NAV3: variants seen among roughly 807,000 people sequenced by gnomAD.
The protein encoded by NAV3 is pore membrane and/or filament interacting like protein 1.
Under a neutral mutation model 244.7 loss-of-function variants are expected in NAV3, and 87 were observed. The observed-to-expected ratio is 0.36, with a 90% confidence interval of 0.30 to 0.42. The LOEUF (loss-of-function observed/expected upper bound fraction) is 0.42, where lower values mean the gene tolerates loss of function less well. Ranked by LOEUF, NAV3 falls within the 20% of genes least tolerant of loss-of-function variation. NAV3 has a pLI of 1.00. For missense variants in NAV3, 2,663 were observed against 2,893.3 expected (o/e 0.92, Z 1.83); for synonymous variants, 1,126 against 1,042.2 (o/e 1.08, Z -1.55).
intron 27 of NAV3, 40 bp from the exon 28 acceptor site, chr12:78,177,580 G>A: frequency 1.3e-6 from 2 of 1,536,602 alleles, no homozygotes. Context: ...CTTTTCATGG[G>A]CATTTGTCCA....
rs965993315 is a variant in NAV3 at position 78,139,834 on chromosome 12, A to G, written c.4631-448A>G. Among the ~76,000 whole-genome samples the G allele has an allele frequency of 3.3e-5, 5 of 152,214 alleles. No individual in the cohort carries two copies. In the South Asian group the frequency reaches 6.2e-4, roughly 19 times the overall value. On this transcript the variant is annotated intron_variant, in intron 19 of 39. Coordinates refer to ENST00000397909, the MANE Select transcript of NAV3 (RefSeq NM_001024383.2). ...ATAATGTTGTAATAACACATTAGAT[A>G]AAAGTGCTTATTTTCCTGAAATTAT...
At chr12:77,744,354 T>C (rs1868428377) in intron 2 of NAV3, among the ~76,000 whole-genome samples, 1 of 152,034 alleles carries the variant, frequency 6.6e-6, no homozygotes, top group Non-Finnish European at 1.5e-5. Context: ...CTCTAACAAT[T>C]GAAAAGCTTT....
chr12:77,779,483 A>G (rs1265218593), intron 2 of NAV3, among the ~76,000 whole-genome samples: 1 of 152,214 alleles, frequency 6.6e-6, no homozygotes, highest in Non-Finnish European at 1.5e-5. Context: ...ATGAAGTTCA[A>G]TGTGAATAAA....
chr12:78,210,415 A>T lies in NAV3; in HGVS notation c.7056A>T (p.Lys2352Asn), dbSNP rs928398563. The T allele has an allele frequency of 6.2e-7, 1 of 1,613,412 alleles. No individual in the cohort carries two copies. The highest frequency in any genetic ancestry group is 1.7e-5 in the Admixed American group (1 of 59,958). The change falls in exon 40 of 40, where the codon AAA (lysine) becomes AAT (asparagine). Residue 2352 changes from lysine to asparagine, a missense_variant. Lys to Asn is a moderately conservative substitution (Grantham distance 94). Transcript: ENST00000397909. ...TTCTTCAGATGAATATGCTAATGAA[A>T]CTCCAAGAAGCAGCCAATTACTCGA... is the stretch of plus-strand genomic sequence containing the variant. Reference protein sequence around the residue: ...EGDPLMNMLMKLQEAANYSST... With the variant: ...EGDPLMNMLMNLQEAANYSST...
intron 2 of NAV3, among the ~76,000 whole-genome samples, chr12:77,693,830 GTT>G (rs1875153744): frequency 6.6e-6 from 1 of 151,882 alleles, no homozygotes. Context: ...ACCAAACTCA[GTT>G]TATTTTCTTT....
At chr12:77,687,171 C>G (rs907892732) in intron 2 of NAV3, among the ~76,000 whole-genome samples, 3 of 152,238 alleles carry the variant, frequency 2.0e-5, no homozygotes, top group Admixed American at 2.0e-4. Context: ...TTTATACTAT[C>G]AGCCCGGAAA....
At chr12:78,085,057 T>C (rs891811170) in intron 12 of NAV3, among the ~76,000 whole-genome samples, 2 of 152,152 alleles carry the variant, frequency 1.3e-5, no homozygotes, top group African/African-American at 4.8e-5. Flanking sequence ...CATAATTAGA[T>C]TGTGTTCCTA....
chr12:78,164,350 T>A (rs1439297710), intron 23 of NAV3, among the ~76,000 whole-genome samples: 1 of 152,058 alleles, frequency 6.6e-6, no homozygotes, highest in Non-Finnish European at 1.5e-5. Flanking sequence ...AGTAGTTTGC[T>A]CATTTGTTAC....
chr12:77,592,231 G>T (rs897688574), intron 2 of NAV3, among the ~76,000 whole-genome samples: 6 of 152,180 alleles, frequency 3.9e-5, no homozygotes, highest in Non-Finnish European at 7.3e-5. Flanking sequence ...AAAGTGCACT[G>T]TCTGCACTCT....
At chr12:78,109,035 A>G (rs1222902558) in intron 12 of NAV3, among the ~76,000 whole-genome samples, 1 of 152,072 alleles carries the variant, frequency 6.6e-6, no homozygotes, top group African/African-American at 2.4e-5. Flanking sequence ...ATTCAACAAG[A>G]TAAATAAAAT....
rs548399895 is a variant in NAV3 at position 77,876,679 on chromosome 12, A to G, written c.243+44975A>G. Among the ~76,000 whole-genome samples, 42 of 152,178 alleles carry G rather than the reference A, an allele frequency of 2.8e-4. No individual in the cohort carries two copies. The South Asian group carries it at 7.0e-3, about 26-fold the overall frequency. ...AACAAATGCTTCATTCATATTTCCTATGATAAAGTATAAGAAATATTGATG... is the reference window on the plus strand; with the variant it reads ...AACAAATGCTTCATTCATATTTCCTGTGATAAAGTATAAGAAATATTGATG... On this transcript the variant is annotated intron_variant, in intron 1 of 39. Transcript: ENST00000397909.
At chr12:77,909,327 G>A (rs976169464) in intron 1 of NAV3, among the ~76,000 whole-genome samples, 4 of 151,872 alleles carry the variant, frequency 2.6e-5, no homozygotes, top group Admixed American at 1.3e-4. Context: ...TTCAATTTGG[G>A]GAGAGCTTTG....
chr12:77,822,550 G>T (rs1228759256), intron 2 of NAV3, among the ~76,000 whole-genome samples: 1 of 152,098 alleles, frequency 6.6e-6, no homozygotes, highest in Non-Finnish European at 1.5e-5. Context: ...ACAGATCTTA[G>T]TGTCTTATGT....
intron 1 of NAV3, among the ~76,000 whole-genome samples, chr12:77,846,071 C>T (rs966933722): frequency 6.6e-6 from 1 of 152,006 alleles, no homozygotes; most frequent in Admixed American, 6.6e-5. Flanking sequence ...TCCGGATGAA[C>T]GAAGATTGGA....
At chr12:77,658,936 T>C (rs1400502611) in intron 2 of NAV3, among the ~76,000 whole-genome samples, 3 of 152,218 alleles carry the variant, frequency 2.0e-5, no homozygotes, top group African/African-American at 7.2e-5. Flanking sequence ...ATCTGTTCCT[T>C]ACACCTTATA....
At chr12:77,771,115 A>C (rs1870058600) in intron 2 of NAV3, among the ~76,000 whole-genome samples, 1 of 152,246 alleles carries the variant, frequency 6.6e-6, no homozygotes, top group Admixed American at 6.5e-5. Flanking sequence ...ATATGAACAG[A>C]CACTTCTCAA....
chr12:78,005,480 C>T (rs533126650), intron 7 of NAV3, among the ~76,000 whole-genome samples: 30 of 152,304 alleles, frequency 2.0e-4, no homozygotes, highest in Admixed American at 1.0e-3. Context: ...TGAGCAGCAA[C>T]GGCATCATTC....
chr12:78,159,324 C>T, intron 23 of NAV3, 38 bp downstream of exon 23: 4 of 1,503,662 alleles, frequency 2.7e-6, no homozygotes, highest in Non-Finnish European at 2.8e-6. Context: ...TGAAAGAAGA[C>T]AGCAAATTGC....
At chr12:78,140,222 G>A (rs1956547671) in intron 19 of NAV3, 60 bp from the exon 20 acceptor site, 3 of 1,411,242 alleles carry the variant, frequency 2.1e-6, no homozygotes, top group East Asian at 4.6e-5. Context: ...TTCTGTAAAG[G>A]CTGGAATTTT....
Sources: allele counts gnomAD v4.1 joint callset (sites outside exome capture counted in the v4.1 genomes callset), GRCh38; gene constraint gnomAD v4.1.1; transcripts MANE v1.5; gene names NCBI Gene and HGNC (gene_info 2026-07-23, HGNC 2026-07-21).